The following CDH13 variants were observed in gnomAD, a reference collection of about 807,000 sequenced individuals.
CDH13 encodes the protein cadherin 13, also known as cadherin-13.
CDH13 carries 24 observed loss-of-function variants against 63.8 expected under a neutral mutation model. The observed-to-expected ratio is 0.38, with a 90% CI of 0.27 to 0.53. The LOEUF (loss-of-function observed/expected upper bound fraction) is 0.53, where lower values mean the gene tolerates loss of function less well. Among genes scored for constraint, CDH13 ranks in the 20% least tolerant of loss-of-function variants. The pLI is 0.85. For synonymous variants in CDH13, 503 were observed against 355.3 expected (o/e 1.42, Z -4.67); for missense variants, 1,049 against 903.1 (o/e 1.16, Z -2.07).
rs775608275 is a variant in CDH13 at position 83,555,885 on chromosome 16, G to A, written c.961-46569G>A. ...TGACATATCCATGCAAGAGTATTCC[G>A]TTCTGTTTCTATCAGCTTCTTATGC... On this transcript the variant is annotated intron_variant, in intron 7 of 13. Coordinates refer to ENST00000567109, the MANE Select transcript of CDH13 (RefSeq NM_001257.5). Among the ~76,000 whole-genome samples the A allele has an allele frequency of 1.3e-4, 20 of 152,278 alleles. 1 individual carries two copies. The highest frequency in any genetic ancestry group is 4.6e-4 in the African/African-American group (19 of 41,548).
At chr16:82,755,696 G>A (rs904522155) in intron 1 of CDH13, among the ~76,000 whole-genome samples, 2 of 152,148 alleles carry the variant, frequency 1.3e-5, no homozygotes, top group Non-Finnish European at 2.9e-5. Context: ...AATCACTGAC[G>A]TCAAGGTCTA....
rs569773048 is a variant in CDH13 at position 83,735,489 on chromosome 16, T to C, written c.1539-12619T>C. The C allele has an allele frequency of 9.0e-4, 137 of 152,368 alleles. 1 individual carries two copies. Among genetic ancestry groups the C allele is most frequent in the African/African-American group, 3.1e-3 (130 of 41,600 alleles). The allele number at this position is 152,368 out of a possible 1,614,324, so 9.4% of individuals were successfully genotyped here. On this transcript the variant is annotated intron_variant, in intron 10 of 13. Transcript: ENST00000567109. ...TATATATTTATGAGGCATAATGTGA[T>C]GGTTTGGTCTTTGTATACATAGAAA...
intron 6 of CDH13, among the ~76,000 whole-genome samples, chr16:83,431,990 T>C (rs1204818865): frequency 6.6e-6 from 1 of 152,164 alleles, no homozygotes; most frequent in Non-Finnish European, 1.5e-5. Flanking sequence ...TGGATCCTTC[T>C]GGCCACTTTG....
chr16:82,902,557 C>T (rs1168880640), intron 2 of CDH13, among the ~76,000 whole-genome samples: 1 of 152,054 alleles, frequency 6.6e-6, no homozygotes, highest in Non-Finnish European at 1.5e-5. Context: ...TTACTCGTTT[C>T]ACTTGGAATG....
chr16:82,944,724 A>G (rs2151313936), intron 2 of CDH13, among the ~76,000 whole-genome samples: 1 of 152,254 alleles, frequency 6.6e-6, no homozygotes, highest in Non-Finnish European at 1.5e-5. Flanking sequence ...AAAACAACAC[A>G]TATTTCTTCA....
chr16:82,937,100 A>G (rs774787531), intron 2 of CDH13, among the ~76,000 whole-genome samples: 2 of 152,206 alleles, frequency 1.3e-5, no homozygotes, highest in Non-Finnish European at 2.9e-5. Flanking sequence ...TTAAGAAAAT[A>G]GAAATAGTAA....
chr16:83,761,261 G>A (rs181253400), intron 11 of CDH13, among the ~76,000 whole-genome samples: 26 of 152,296 alleles, frequency 1.7e-4, no homozygotes, highest in Non-Finnish European at 7.3e-5. Context: ...TTCTAGAATC[G>A]TGCTTCATAA....
At chr16:83,522,694 A>C (rs2074868845) in intron 7 of CDH13, among the ~76,000 whole-genome samples, 1 of 152,158 alleles carries the variant, frequency 6.6e-6, no homozygotes, top group African/African-American at 2.4e-5. Flanking sequence ...GGCAGAGTTC[A>C]CATCCCTGGG....
intron 3 of CDH13, among the ~76,000 whole-genome samples, chr16:83,056,720 T>C (rs1313506627): frequency 6.6e-6 from 1 of 152,126 alleles, no homozygotes; most frequent in Non-Finnish European, 1.5e-5. Context: ...AATCCCCACA[T>C]GTCACGGGAG....
chr16:83,495,419 TTA>T lies in CDH13; in HGVS notation c.960+8765_960+8766del, dbSNP rs569713618. On this transcript the variant is annotated intron_variant, in intron 7 of 13. Transcript: ENST00000567109. Reference sequence around the variant, plus strand: ...TAAGGGGTTGTGGAGACTGAGGTTCTTACTATGTAGACGAAGCCTCCAGGTAG... The same window carrying T: ...TAAGGGGTTGTGGAGACTGAGGTTCTCTATGTAGACGAAGCCTCCAGGTAG... Among the ~76,000 whole-genome samples the T allele has an allele frequency of 2.0e-5, 3 of 152,282 alleles. No homozygotes were observed. The South Asian group carries it at 6.2e-4, about 32-fold the overall frequency.
intron 7 of CDH13, among the ~76,000 whole-genome samples, chr16:83,593,496 C>G (rs1180428005): frequency 6.6e-6 from 1 of 151,964 alleles, no homozygotes; most frequent in African/African-American, 2.4e-5. Flanking sequence ...AAATTGACAA[C>G]AGTACAAATC....
At chr16:83,478,718 T>C (rs2073677468) in intron 6 of CDH13, among the ~76,000 whole-genome samples, 1 of 152,070 alleles carries the variant, frequency 6.6e-6, no homozygotes, top group Non-Finnish European at 1.5e-5. Context: ...TCTGCCACTC[T>C]GCAGTTCCAT....
At chr16:83,175,537 C>G (rs72800282) in intron 4 of CDH13, among the ~76,000 whole-genome samples, 24,472 of 151,950 alleles carry the variant, frequency 0.16, 2,065 homozygotes, top group South Asian at 0.19. Context: ...GAATCAGAGC[C>G]TCCAGTTTGC....
At chr16:83,503,031 C>T (rs755485917) in intron 7 of CDH13, among the ~76,000 whole-genome samples, 26 of 152,174 alleles carry the variant, frequency 1.7e-4, no homozygotes. Context: ...GCTTCAGTTA[C>T]ATAAATCCAG....
At chr16:83,253,910 G>T (rs186077238) in intron 5 of CDH13, among the ~76,000 whole-genome samples, 10 of 152,268 alleles carry the variant, frequency 6.6e-5, no homozygotes, top group African/African-American at 2.2e-4. Context: ...ATATACATAG[G>T]ACGTGCAGAT....
intron 1 of CDH13, among the ~76,000 whole-genome samples, chr16:82,655,153 C>T (rs1202541666): frequency 1.3e-5 from 2 of 152,206 alleles, no homozygotes; most frequent in Non-Finnish European, 2.9e-5. Flanking sequence ...TACTGAATGC[C>T]CGCAAGCACC....
chr16:83,785,564 T>C (rs1915825107), intron 13 of CDH13, among the ~76,000 whole-genome samples: 4 of 152,226 alleles, frequency 2.6e-5, no homozygotes, highest in Admixed American at 2.6e-4. Flanking sequence ...CTTGCTTTGC[T>C]GACAGATATC....
At chr16:83,374,976 C>G (rs187251309) in intron 6 of CDH13, among the ~76,000 whole-genome samples, 11 of 152,228 alleles carry the variant, frequency 7.2e-5, no homozygotes, top group African/African-American at 2.2e-4. Context: ...TGGGGATTTT[C>G]CATCTCAAGA....
intron 13 of CDH13, among the ~76,000 whole-genome samples, 155 bp from the exon 14 acceptor site, chr16:83,794,868 A>G (rs1269545248): frequency 6.6e-6 from 1 of 151,520 alleles, no homozygotes; most frequent in Non-Finnish European, 1.5e-5. Flanking sequence ...CTGTCTTCCA[A>G]TGTGATCCTT....
Sources: allele counts gnomAD v4.1 joint callset (sites outside exome capture counted in the v4.1 genomes callset), GRCh38; gene constraint gnomAD v4.1.1; transcripts MANE v1.5; gene names NCBI Gene and HGNC (gene_info 2026-07-23, HGNC 2026-07-21).